The following TERF2 variants were observed in gnomAD, a reference collection of about 807,000 sequenced individuals.
TERF2 encodes telomeric repeat binding factor 2.
Under a neutral mutation model 56.1 loss-of-function variants are expected in TERF2, and 16 were observed. The ratio of observed to expected loss-of-function variants is 0.29; its 90% CI spans 0.19 to 0.43. The LOEUF is 0.43. Among genes scored for constraint, TERF2 ranks in the 20% least tolerant of loss-of-function variants. The pLI is 1.00. For missense variants in TERF2, 547 were observed against 712.9 expected, an observed-to-expected ratio of 0.77 and a Z score of 2.65; for synonymous variants, 296 against 282.1, an observed-to-expected ratio of 1.05 and a Z score of -0.50.
At chr16:69,361,589 T>A in intron 7 of TERF2, 100 bp from the exon 8 acceptor site, 1 of 843,640 alleles carries the variant, frequency 1.2e-6, no homozygotes, top group South Asian at 1.4e-5. Context: ...CTCCTTCCTG[T>A]CCCGTTGTGA....
intron 6 of TERF2, 115 bp downstream of exon 6, chr16:69,368,261 G>T: frequency 1.1e-6 from 1 of 937,350 alleles, no homozygotes; most frequent in Non-Finnish European, 1.6e-6. Flanking sequence ...GAGTAACCTC[G>T]TAACACGTTA....
intron 7 of TERF2, 142 bp downstream of exon 7, chr16:69,366,665 C>T: frequency 1.7e-6 from 2 of 1,158,460 alleles, no homozygotes; most frequent in Non-Finnish European, 2.4e-6. Flanking sequence ...TCACTGGCCA[C>T]TCCTGCGTCA....
intron 6 of TERF2, 115 bp downstream of exon 6, chr16:69,368,261 G>A (rs1379866527): frequency 3.2e-6 from 3 of 937,352 alleles, no homozygotes; most frequent in South Asian, 1.5e-5. Flanking sequence ...GAGTAACCTC[G>A]TAACACGTTA....
intron 6 of TERF2, among the ~76,000 whole-genome samples, chr16:69,368,001 C>T (rs2013413334): frequency 6.6e-6 from 1 of 152,188 alleles, no homozygotes; most frequent in African/African-American, 2.4e-5. Flanking sequence ...CCTCAAAGGG[C>T]ATCTAAGCTT....
chr16:69,361,369 C>T, intron 8 of TERF2, 35 bp downstream of exon 8: 1 of 1,438,770 alleles, frequency 7.0e-7, no homozygotes, highest in Non-Finnish European at 9.8e-7. Flanking sequence ...CTTCAGCAAG[C>T]ATCAAGAAGA....
chr16:69,371,557 G>A (rs966119170), intron 4 of TERF2, among the ~76,000 whole-genome samples: 10 of 150,472 alleles, frequency 6.6e-5, no homozygotes, highest in Non-Finnish European at 1.5e-4. Context: ...GATGATTCAC[G>A]TAATCCCAGC....
chr16:69,369,821 G>C (rs1268750942), intron 5 of TERF2, among the ~76,000 whole-genome samples: 1 of 152,122 alleles, frequency 6.6e-6, no homozygotes, highest in African/African-American at 2.4e-5. Context: ...CCTTCTTCCT[G>C]TTAGCAACTC....
chr16:69,379,868 A>G (rs2013930863), intron 3 of TERF2, among the ~76,000 whole-genome samples: 1 of 152,176 alleles, frequency 6.6e-6, no homozygotes, highest in African/African-American at 2.4e-5. Flanking sequence ...CTGGATGCTC[A>G]TAACTGCTTC....
intron 3 of TERF2, among the ~76,000 whole-genome samples, chr16:69,377,722 A>C (rs954205235): frequency 2.6e-5 from 4 of 152,144 alleles, no homozygotes; most frequent in Non-Finnish European, 1.5e-5. Flanking sequence ...TGGTAATTTC[A>C]TTTTGAATTG....
chr16:69,374,303 A>T (rs911417281), intron 3 of TERF2, among the ~76,000 whole-genome samples: 4 of 151,914 alleles, frequency 2.6e-5, no homozygotes, highest in Non-Finnish European at 4.4e-5. Context: ...AGGATCCAAA[A>T]CCCTGCCTTG....
At chr16:69,374,514 C>T (rs1029649519) in intron 3 of TERF2, among the ~76,000 whole-genome samples, 43 of 150,990 alleles carry the variant, frequency 2.8e-4, no homozygotes, top group African/African-American at 9.2e-4. Context: ...CCTAGCTACT[C>T]GGGAGGCAGA....
intron 7 of TERF2, among the ~76,000 whole-genome samples, chr16:69,362,620 G>C (rs1731225532): frequency 1.3e-5 from 2 of 152,018 alleles, no homozygotes; most frequent in African/African-American, 4.8e-5. Context: ...TAAATGCTTG[G>C]GTGTGGCTAA....
At chr16:69,382,850 G>A (rs1043639869) in intron 3 of TERF2, among the ~76,000 whole-genome samples, 2 of 152,074 alleles carry the variant, frequency 1.3e-5, no homozygotes, top group Admixed American at 6.6e-5. Context: ...CCTGATCCTC[G>A]GAAACTGAAA....
chr16:69,370,448 C>T (rs1163681010), intron 5 of TERF2, 35 bp downstream of exon 5: 1 of 1,605,232 alleles, frequency 6.2e-7, no homozygotes, highest in Non-Finnish European at 8.5e-7. Flanking sequence ...TCCTCAAGGG[C>T]ACACCATGGT....
rs564611021 is a variant in TERF2 at position 69,359,627 on chromosome 16, A to ATTTTTTTTTTTTTTT, written c.1426+1762_1426+1776dup. Among the ~76,000 whole-genome samples, 4 of 72,588 alleles carry ATTTTTTTTTTTTTTT rather than the reference A, an allele frequency of 5.5e-5. 1 individual carries two copies. Among genetic ancestry groups the ATTTTTTTTTTTTTTT allele is most frequent in the African/African-American group, 2.5e-4 (4 of 16,134 alleles). 47.6% of individuals were successfully genotyped at this position (72,588 alleles called of 152,430 possible). A position where few individuals can be genotyped will look rare whatever the true frequency, so the allele number is the denominator to read the frequency against. Reference sequence around the variant, plus strand: ...AATCTTCCTCTTACTATCATTCCCAATTTTTTTTTTTTTTTTTTTTTTTTT... The same window carrying ATTTTTTTTTTTTTTT: ...AATCTTCCTCTTACTATCATTCCCAATTTTTTTTTTTTTTTTTTTTTTTTTTTTTTTTTTTTTTTT... On this transcript the variant is annotated intron_variant, in intron 8 of 9. Transcript: ENST00000254942.
At chr16:69,361,350 G>T in intron 8 of TERF2, 54 bp downstream of exon 8, 1 of 1,231,244 alleles carries the variant, frequency 8.1e-7, no homozygotes, top group Non-Finnish European at 1.2e-6. Context: ...ACAGTAACAC[G>T]CATCTGTACT....
intron 7 of TERF2, chr16:69,366,603 G>A: frequency 1.6e-6 from 1 of 612,112 alleles, no homozygotes; most frequent in Non-Finnish European, 2.7e-6. Flanking sequence ...CCTAGTGCAA[G>A]GCTTGGAAGC....
At chr16:69,368,530 T>A in intron 5 of TERF2, 48 bp from the exon 6 acceptor site, 1 of 1,607,818 alleles carries the variant, frequency 6.2e-7, no homozygotes, top group Non-Finnish European at 8.5e-7. Flanking sequence ...CAGAATTGCA[T>A]TAATTCTCTG....
chr16:69,361,592 C>T (rs1000194006), intron 7 of TERF2, 103 bp from the exon 8 acceptor site: 3 of 820,270 alleles, frequency 3.7e-6, no homozygotes, highest in East Asian at 2.4e-5. Context: ...CTTCCTGTCC[C>T]GTTGTGACCA....
Sources: gnomAD v4.1 joint callset for allele counts (sites outside exome capture counted in the v4.1 genomes callset) on GRCh38, gnomAD v4.1.1 for gene constraint, MANE v1.5 for transcripts, NCBI Gene and HGNC (gene_info 2026-07-23, HGNC 2026-07-21) for gene names.